The following NLRP14 variants were observed in gnomAD, a reference collection of about 807,000 sequenced individuals.
The protein encoded by NLRP14 is NACHT, LRR and PYD domains-containing protein 14.
Under a neutral mutation model 94.7 loss-of-function variants are expected in NLRP14, and 105 were observed. That is an observed-to-expected ratio of 1.11 (90% confidence interval 0.95 to 1.30). The LOEUF is 1.30. Ranked by LOEUF, NLRP14 falls within the 50% of genes most tolerant of loss-of-function variation. The pLI is 0.00. For synonymous variants in NLRP14, 508 were observed against 459.9 expected (o/e 1.10, Z -1.34); for missense variants, 1,362 against 1,254.1 (o/e 1.09, Z -1.30).
chr11:7,051,644 T>A (rs1263926791), intron 6 of NLRP14, among the ~76,000 whole-genome samples: 1 of 152,078 alleles, frequency 6.6e-6, no homozygotes, highest in East Asian at 1.9e-4. Flanking sequence ...TGAGACAGAG[T>A]CTCGTTCTGT....
chr11:7,030,395 C>G (rs753574802), intron 1 of NLRP14, among the ~76,000 whole-genome samples: 1 of 152,184 alleles, frequency 6.6e-6, no homozygotes, highest in Non-Finnish European at 1.5e-5. Context: ...TCTGCACTTG[C>G]TATTTCTTCC....
At position 7,062,411 on chromosome 11, in the gene NLRP14, C is replaced by T. The variant is rs1158191952; in HGVS notation, c.2883C>T (p.Ser961=). ...SVILNNPNLR[S]LDLGNNDLQD... Reference sequence around the variant, plus strand: ...TTTTGAATAACCCAAACCTGAGGAGCCTGGACCTTGGGAACAACGATTTGC... The same window carrying T: ...TTTTGAATAACCCAAACCTGAGGAGTCTGGACCTTGGGAACAACGATTTGC... Residue 961 remains serine (S), a synonymous_variant, in exon 10 of 12, where the codon AGC becomes AGT. Transcript: ENST00000299481. The T allele has an allele frequency of 6.2e-7, 1 of 1,613,126 alleles. No individual in the cohort carries two copies.
At chr11:7,053,356 A>T (rs1852469110) in intron 6 of NLRP14, among the ~76,000 whole-genome samples, 1 of 151,654 alleles carries the variant, frequency 6.6e-6, no homozygotes, top group Admixed American at 6.6e-5. Context: ...AACTTGACCC[A>T]GATAGTACAA....
At chr11:7,021,102 G>T (rs1851923989) in intron 1 of NLRP14, among the ~76,000 whole-genome samples, 1 of 152,186 alleles carries the variant, frequency 6.6e-6, no homozygotes, top group South Asian at 2.1e-4. Context: ...GGAACTTTTG[G>T]TAGGATAGTC....
At chr11:7,022,009 A>C (rs1851951395) in intron 1 of NLRP14, among the ~76,000 whole-genome samples, 1 of 152,046 alleles carries the variant, frequency 6.6e-6, no homozygotes, top group Non-Finnish European at 1.5e-5. Context: ...GTGTATCTGA[A>C]GGAATATACC....
In NLRP14 at chr11:7,046,699, G is replaced by T. The variant is rs1464909885; in HGVS notation, c.1990G>T (p.Asp664Tyr). Residue 664 changes from aspartate to tyrosine, a missense_variant, in exon 5 of 12, where the codon GAT (aspartate) becomes TAT (tyrosine). Asp to Tyr is a radical substitution (Grantham distance 160). Transcript: ENST00000299481. ...TGATCGCATTACTCACTGTTGGCAA[G>T]ATCTCTGTTCTGTGCTTCATACAAA... ...DGDRITHCWQ[D>Y]LCSVLHTNEH... The T allele has an allele frequency of 6.2e-7, 1 of 1,613,858 alleles. No homozygotes were observed. Among genetic ancestry groups the T allele is most frequent in the Non-Finnish European group, 8.5e-7 (1 of 1,179,756 alleles).
chr11:7,053,998 C>T (rs1280646446), intron 6 of NLRP14, among the ~76,000 whole-genome samples: 1 of 152,112 alleles, frequency 6.6e-6, no homozygotes, highest in East Asian at 1.9e-4. Context: ...CTCTCTATGT[C>T]CATGAGATAT....
intron 10 of NLRP14, among the ~76,000 whole-genome samples, chr11:7,065,493 T>C (rs887408484): frequency 1.3e-5 from 2 of 152,146 alleles, no homozygotes; most frequent in African/African-American, 4.8e-5. Context: ...TTGGGAATAA[T>C]ACAATGTAGT....
intron 1 of NLRP14, among the ~76,000 whole-genome samples, chr11:7,025,458 CA>C (rs1055694850): frequency 2.0e-5 from 3 of 151,944 alleles, no homozygotes; most frequent in South Asian, 2.1e-4. Context: ...AAATACCCCA[CA>C]AAAAATTATG....
downstream of NLRP14, among the ~76,000 whole-genome samples, chr11:7,075,002 G>A (rs1488009771): frequency 6.6e-6 from 1 of 152,206 alleles, no homozygotes; most frequent in East Asian, 1.9e-4. Context: ...GGGAAGATAA[G>A]CTAGTTGTTG....
In NLRP14 at chr11:7,046,734, G is replaced by C. The variant is rs1852357146; in HGVS notation, c.2025G>C (p.Leu675Phe). ...CTGTGCTTCATACAAATGAACACTT[G>C]AGAGAATTGGACCTGTACCATAGCA... ...LCSVLHTNEH[L>F]RELDLYHSNL... The change falls in exon 5 of 12, where the codon TTG becomes TTC. Residue 675 changes from leucine (L) to phenylalanine (F), a missense_variant. Leu to Phe is a conservative substitution (Grantham distance 22, BLOSUM62 0). Transcript: ENST00000299481. 3.1e-6 allele frequency: 5 copies of C among 1,613,126 alleles called. No individual in the cohort carries two copies. Among genetic ancestry groups the C allele is most frequent in the Admixed American group, 3.3e-5 (2 of 60,000 alleles).
intron 10 of NLRP14, among the ~76,000 whole-genome samples, chr11:7,069,958 G>C (rs1195619389): frequency 1.3e-5 from 2 of 152,022 alleles, no homozygotes; most frequent in Non-Finnish European, 1.5e-5. Context: ...TCACTACCAA[G>C]CTTCCAATAT....
At chr11:7,032,530 G>A (rs1177805730) in intron 1 of NLRP14, among the ~76,000 whole-genome samples, 2 of 152,010 alleles carry the variant, frequency 1.3e-5, no homozygotes, top group African/African-American at 4.8e-5. Flanking sequence ...ATGCAGACAT[G>A]CAGTTTTTCA....
chr11:7,033,492 A>T (rs530116637), intron 1 of NLRP14, among the ~76,000 whole-genome samples: 1 of 152,090 alleles, frequency 6.6e-6, no homozygotes, highest in Non-Finnish European at 1.5e-5. Context: ...TTCTTTTTCT[A>T]TTCCTGAATA....
chr11:7,047,481 T>C (rs1852373279), intron 5 of NLRP14, among the ~76,000 whole-genome samples: 1 of 151,986 alleles, frequency 6.6e-6, no homozygotes, highest in Non-Finnish European at 1.5e-5. Context: ...TTTTTTTTAA[T>C]TTTTTGTAGA....
At chr11:7,090,343 A>G in the NLRP14 span, 6 of 1,541,736 alleles carry the variant, frequency 3.9e-6, no homozygotes, top group African/African-American at 1.4e-5. Context: ...CAACGAAACT[A>G]ACAAAAAGAA....
At chr11:7,034,543 A>G (rs568434344) in intron 1 of NLRP14, among the ~76,000 whole-genome samples, 2 of 152,334 alleles carry the variant, frequency 1.3e-5, no homozygotes, top group South Asian at 4.1e-4. Flanking sequence ...TGGTTTTATT[A>G]ATTTACACTT....
chr11:7,051,154 T>C (rs964689724), intron 6 of NLRP14, among the ~76,000 whole-genome samples: 1 of 152,208 alleles, frequency 6.6e-6, no homozygotes, highest in African/African-American at 2.4e-5. Context: ...GGTCAACTAG[T>C]AGGGCTCCTT....
At chr11:7,088,931 G>T in the NLRP14 span, 1 of 661,898 alleles carries the variant, frequency 1.5e-6, no homozygotes, top group Non-Finnish European at 2.6e-6. Context: ...TTGGCCCTCT[G>T]GAAACAGCCG....
Sources: allele counts gnomAD v4.1 joint callset (sites outside exome capture counted in the v4.1 genomes callset), GRCh38; gene constraint gnomAD v4.1.1; transcripts MANE v1.5; gene names NCBI Gene and HGNC (gene_info 2026-07-23, HGNC 2026-07-21).